BRD2: variants seen among roughly 807,000 people sequenced by gnomAD.
The protein encoded by BRD2 is bromodomain containing 2.
A neutral mutation model predicts 79.1 loss-of-function variants in BRD2; 15 were observed. The observed-to-expected ratio is 0.19, with a 90% CI of 0.13 to 0.29. The LOEUF is 0.29. Ranked by LOEUF, BRD2 falls within the 10% of genes least tolerant of loss-of-function variation. BRD2 has a pLI of 1.00. For missense variants in BRD2, 1,053 were observed against 991.3 expected (o/e 1.06, Z -0.84); for synonymous variants, 488 against 358.6 (o/e 1.36, Z -4.08).
At chr6:32,978,697 A>G (rs1324916662) in intron 10 of BRD2, 5 of 435,934 alleles carry the variant, frequency 1.1e-5, no homozygotes, top group African/African-American at 4.0e-5. Flanking sequence ...TCATGCTTCT[A>G]TGAGAATCTA....
intron 4 of BRD2, 90 bp downstream of exon 4, chr6:32,975,611 C>T (rs1037752387): frequency 3.3e-5 from 49 of 1,506,384 alleles, no homozygotes; most frequent in South Asian, 2.4e-4. Flanking sequence ...AGTTTAAATC[C>T]TTTGCTACTG....
chr6:32,973,504 T>C (rs1683573607), intron 2 of BRD2, among the ~76,000 whole-genome samples: 1 of 152,136 alleles, frequency 6.6e-6, no homozygotes, highest in South Asian at 2.1e-4. Flanking sequence ...CATTAAAAGT[T>C]TGATTCAGGG....
Position 32,976,378 on chromosome 6 carries a change from T to C in BRD2, c.739T>C (p.Ser247Pro). The C allele has an allele frequency of 1.2e-6, 2 of 1,612,984 alleles. No homozygotes were observed. Among genetic ancestry groups the C allele is most frequent in the Non-Finnish European group, 8.5e-7 (1 of 1,180,030 alleles). The part of the protein sequence containing the change: ...VLNIPHPSVI[S>P]SPLLKSLHSA... ...CAACATTCCCCACCCATCAGTCATT[T>C]CCTCTCCACTTCTCAAGTCCTTGCA... Residue 247 changes from serine to proline, a missense_variant, in exon 6 of 13, where the codon TCC becomes CCC. This residue lies in a region of BRD2 where 413 missense variants were observed against 335.1 expected (regional missense o/e 1.23). Transcript: ENST00000374825.
intron 12 of BRD2, 33 bp from the exon 13 acceptor site, chr6:32,980,549 T>TG: frequency 6.2e-7 from 1 of 1,612,846 alleles, no homozygotes; most frequent in Non-Finnish European, 8.5e-7. Context: ...GATTCAGACT[T>TG]GAACGTCTTT....
rs763653224 is a variant in BRD2, at chr6:32,972,892, G to C, written c.-7G>C. On this transcript the variant is annotated 5_prime_UTR_variant, in exon 2 of 13. Transcript: ENST00000374825. Reference sequence around the variant, plus strand: ...GCTGAGGGCAGCGCCGGTTCCTTGCGGTCAAGATGCTGCAAAACGTGACTC... The same window carrying C: ...GCTGAGGGCAGCGCCGGTTCCTTGCCGTCAAGATGCTGCAAAACGTGACTC... 3 of 1,614,070 alleles carry C rather than the reference G, an allele frequency of 1.9e-6. No individual in the cohort carries two copies. The highest frequency in any genetic ancestry group is 1.1e-5 in the South Asian group (1 of 91,092).
At chr6:32,977,059 T>C in intron 7 of BRD2, 123 bp downstream of exon 7, 1 of 1,334,968 alleles carries the variant, frequency 7.5e-7, no homozygotes, top group Non-Finnish European at 1.0e-6. Flanking sequence ...TTTTATAAAA[T>C]AATAGTGGAA....
rs765929653 is a variant in BRD2 at position 32,978,139 on chromosome 6, A to G, written c.1592A>G (p.His531Arg). ...AELQEQLRAV[H>R]EQLAALSQGP... The stretch of plus-strand genomic sequence containing the variant: ...TTTTTCCTTTAGCTTCGGGCAGTAC[A>G]TGAACAACTGGCTGCTCTGTCCCAG... Residue 531 changes from histidine (H) to arginine (R), a missense_variant, in exon 10 of 13, where the codon CAT becomes CGT. By Grantham distance (29) the His-to-Arg change is conservative (BLOSUM62 0). Transcript: ENST00000374825. 2.5e-6 allele frequency: 4 copies of G among 1,612,028 alleles called. No homozygotes were observed. The highest frequency in any genetic ancestry group is 3.4e-6 in the Non-Finnish European group (4 of 1,179,804).
chr6:32,979,699 C>T (rs1381942862), intron 10 of BRD2, 129 bp from the exon 11 acceptor site: 6 of 1,111,686 alleles, frequency 5.4e-6, no homozygotes, highest in African/African-American at 3.2e-5. Context: ...CCACCTCTTA[C>T]TTGGCCATTG....
chr6:32,973,692 G>C (rs1050289650), intron 2 of BRD2, among the ~76,000 whole-genome samples: 2 of 152,160 alleles, frequency 1.3e-5, no homozygotes, highest in African/African-American at 4.8e-5. Flanking sequence ...GGAACTGGTA[G>C]TGGAATCGTG....
At position 32,972,669 on chromosome 6, in the gene BRD2, C is replaced by T. The variant is rs1191359247; in HGVS notation, c.-230C>T. 3 of 624,694 alleles carry T rather than the reference C, an allele frequency of 4.8e-6. No homozygotes were observed. The highest frequency in any genetic ancestry group is 8.4e-6 in the Non-Finnish European group (3 of 358,550). 38.7% of individuals were successfully genotyped at this position (624,694 alleles called of 1,614,324 possible). Reference sequence around the variant, plus strand: ...TGCCCGCCTCAGCTGAGGCCGCCGCCATTTTCTTGCTGTCCGCCGTCTGCA... The same window carrying T: ...TGCCCGCCTCAGCTGAGGCCGCCGCTATTTTCTTGCTGTCCGCCGTCTGCA... On this transcript the variant is annotated 5_prime_UTR_variant, in exon 2 of 13. Transcript: ENST00000374825.
Position 32,974,454 on chromosome 6 carries a change from C to G in BRD2, c.30-8C>G. 5 of 1,604,836 alleles carry G rather than the reference C, an allele frequency of 3.1e-6. No individual in the cohort carries two copies. The highest frequency in any genetic ancestry group is 4.3e-6 in the Non-Finnish European group (5 of 1,173,312). ...GATATTGCCCTAATTTTGTTCCCAT[C>G]TTTACAGGCTCCCTGGGGAAGGGAA... On this transcript the variant is annotated splice_region_variant and splice_polypyrimidine_tract_variant and intron_variant, in intron 2 of 12. Coordinates refer to ENST00000374825, the MANE Select transcript of BRD2 (RefSeq NM_005104.4).
In BRD2 at chr6:32,980,812, C is replaced by A. The variant is rs575656392; in HGVS notation, c.*94C>A. Reference sequence around the variant, plus strand: ...CCCTTCCCCCTTTGCTGTGACACTTCTTCATCTCACCCCCCCCCGCCCCCC... The same window carrying A: ...CCCTTCCCCCTTTGCTGTGACACTTATTCATCTCACCCCCCCCCGCCCCCC... On this transcript the variant is annotated 3_prime_UTR_variant, in exon 13 of 13. Transcript: ENST00000374825. The A allele has an allele frequency of 1.4e-6, 2 of 1,451,060 alleles. No homozygotes were observed. The highest frequency in any genetic ancestry group is 1.4e-5 in the African/African-American group (1 of 68,968). The allele number at this position is 1,451,060 out of a possible 1,614,324, so 89.9% of individuals were successfully genotyped here. A position where few individuals can be genotyped will look rare whatever the true frequency, so the allele number is the denominator to read the frequency against.
intron 2 of BRD2, among the ~76,000 whole-genome samples, chr6:32,974,175 GT>G (rs1778405791): frequency 6.6e-6 from 1 of 152,120 alleles, no homozygotes; most frequent in African/African-American, 2.4e-5. Context: ...GTCGTGCCTT[GT>G]CAGAAACAAT....
chr6:32,975,942 A>T, intron 4 of BRD2, 89 bp from the exon 5 acceptor site: 1 of 1,438,010 alleles, frequency 7.0e-7, no homozygotes, highest in Non-Finnish European at 9.4e-7. Context: ...GTAATGGCCT[A>T]GGGCCTGAAT....
In BRD2 at chr6:32,969,002, C is replaced by A; in HGVS notation, c.-1359C>A. 1 of 309,042 alleles carries A rather than the reference C, an allele frequency of 3.2e-6. No homozygotes were observed. Among genetic ancestry groups the A allele is most frequent in the Non-Finnish European group, 6.1e-6 (1 of 164,588 alleles). 19.1% of individuals were successfully genotyped at this position (309,042 alleles called of 1,614,324 possible). On this transcript the variant is annotated 5_prime_UTR_variant, in exon 1 of 13. Transcript: ENST00000374825. ...GGGGTTGACACCCCGGATTACATAC[C>A]CCGTACCAAGCCGAGGGCAACTTTG... is the stretch of plus-strand genomic sequence containing the variant.
chr6:32,977,541 G>A lies in BRD2; in HGVS notation c.1300G>A (p.Asp434Asn), dbSNP rs949142013. Residue 434 changes from aspartate to asparagine, a missense_variant, in exon 8 of 13, where the codon GAT becomes AAT. This residue lies in a region of BRD2 where 454 missense variants were observed against 430.5 expected (regional missense o/e 1.05). Transcript: ENST00000374825. The part of the protein sequence containing the change: ...NCYKYNPPDH[D>N]VVAMARKLQD... Reference sequence around the variant, plus strand: ...CTATAAGTACAATCCCCCAGATCACGATGTTGTGGCAATGGCACGAAAGCT... The same window carrying A: ...CTATAAGTACAATCCCCCAGATCACAATGTTGTGGCAATGGCACGAAAGCT... The A allele has an allele frequency of 1.2e-6, 2 of 1,614,056 alleles. No homozygotes were observed. Among genetic ancestry groups the A allele is most frequent in the Non-Finnish European group, 1.7e-6 (2 of 1,180,048 alleles).
Position 32,972,141 on chromosome 6 carries a change from GC to G in BRD2, c.-757del, listed in dbSNP as rs1409880439. 3.1e-6 allele frequency: 2 copies of G among 654,876 alleles called. No individual in the cohort carries two copies. The highest frequency in any genetic ancestry group is 3.6e-5 in the African/African-American group (2 of 55,810). The allele number at this position is 654,876 out of a possible 1,614,324, so 40.6% of individuals were successfully genotyped here. A position where few individuals can be genotyped will look rare whatever the true frequency, so the allele number is the denominator to read the frequency against. On this transcript the variant is annotated 5_prime_UTR_variant, in exon 2 of 13. An upstream open reading frame in the 5' UTR gains an earlier in-frame stop. Coordinates refer to ENST00000374825, the MANE Select transcript of BRD2 (RefSeq NM_005104.4). ...AGCTCAAGCAGGGTGGCGCGCATGAGCGGCGAAGCTCCTCCTCCCCGCCTAT... is the reference window on the plus strand; with the variant it reads ...AGCTCAAGCAGGGTGGCGCGCATGAGGGCGAAGCTCCTCCTCCCCGCCTAT...
In BRD2 at chr6:32,980,710, T is replaced by TCAGG. The variant is rs1779424524; in HGVS notation, c.2400_2403dup (p.Ter802ArgfsTer59). 6.2e-7 allele frequency: 1 copy of TCAGG among 1,612,726 alleles called. No individual in the cohort carries two copies. Among genetic ancestry groups the TCAGG allele is most frequent in the African/African-American group, 1.3e-5 (1 of 74,928 alleles). On this transcript the variant is annotated frameshift_variant, in exon 13 of 13. Coordinates refer to ENST00000374825, the MANE Select transcript of BRD2 (RefSeq NM_005104.4). LOFTEE classifies it high-confidence loss of function. ...GTCTTCAGACACCAGTGATTCAGACTCAGGCTAAGGGGTCAGGCCAGATGG... is the reference window on the plus strand; with the variant it reads ...GTCTTCAGACACCAGTGATTCAGACTCAGGCAGGCTAAGGGGTCAGGCCAGATGG...
At position 32,972,874 on chromosome 6, in the gene BRD2, G is replaced by A. The variant is rs771515658; in HGVS notation, c.-25G>A. 9 of 1,613,982 alleles carry A rather than the reference G, an allele frequency of 5.6e-6. No individual in the cohort carries two copies. The highest frequency in any genetic ancestry group is 5.9e-6 in the Non-Finnish European group (7 of 1,179,994). On this transcript the variant is annotated 5_prime_UTR_variant, in exon 2 of 13. Coordinates refer to ENST00000374825, the MANE Select transcript of BRD2 (RefSeq NM_005104.4). ...CCACCCGGACTTTCCGCGGCTGAGG[G>A]CAGCGCCGGTTCCTTGCGGTCAAGA...
Sources: allele counts gnomAD v4.1 joint callset (sites outside exome capture counted in the v4.1 genomes callset), GRCh38; gene constraint gnomAD v4.1.1; regional missense constraint gnomAD v4.1.1; transcripts MANE v1.5; gene names NCBI Gene and HGNC (gene_info 2026-07-23, HGNC 2026-07-21).